Variants in NOP53 observed in about 807,000 individuals in gnomAD.
NOP53 encodes ribosome biogenesis protein NOP53.
NOP53 carries 40 observed loss-of-function variants against 61.0 expected under a neutral mutation model. That is an observed-to-expected ratio of 0.66 (90% CI 0.51 to 0.85). The LOEUF (loss-of-function observed/expected upper bound fraction) is 0.85. NOP53 is among the 40% of genes least tolerant of loss of function. The pLI is 0.00. For missense variants in NOP53, 689 were observed against 652.9 expected, an observed-to-expected ratio of 1.06 and a Z score of -0.60; for synonymous variants, 308 against 289.5, an observed-to-expected ratio of 1.06 and a Z score of -0.65.
At chr19:47,755,124 G>A (rs1048287123) in intron 8 of NOP53, among the ~76,000 whole-genome samples, 6 of 152,106 alleles carry the variant, frequency 3.9e-5, no homozygotes, top group African/African-American at 1.2e-4. Context: ...TTGAGGGGCG[G>A]GGTGGGGGGA....
At chr19:47,755,659 A>G in intron 9 of NOP53, 97 bp from the exon 10 acceptor site, 2 of 1,343,920 alleles carry the variant, frequency 1.5e-6, no homozygotes, top group Non-Finnish European at 2.1e-6. Context: ...AAAACCCCAC[A>G]TTCTCAGAGG....
chr19:47,750,325 A>G (rs1272164038), intron 3 of NOP53, 39 bp downstream of exon 3: 1 of 1,212,806 alleles, frequency 8.2e-7, no homozygotes, highest in Admixed American at 1.7e-5. Context: ...CTTTCCCACC[A>G]GACTCTGGTC....
rs1260695567 is a variant in NOP53, at chr19:47,756,513, C to G, written c.1297-15C>G. 5 of 1,611,614 alleles carry G rather than the reference C, an allele frequency of 3.1e-6. 1 individual carries two copies. The South Asian group carries it at 5.5e-5, about 18-fold the overall frequency. ...TCTGCCAGGCCCTGCTGAGGCCTCCCTCTCTGTCCTGTAGCCCGAGGGCAA... is the reference window on the plus strand; with the variant it reads ...TCTGCCAGGCCCTGCTGAGGCCTCCGTCTCTGTCCTGTAGCCCGAGGGCAA... On this transcript the variant is annotated splice_polypyrimidine_tract_variant and intron_variant, in intron 10 of 12. Coordinates refer to ENST00000246802, the MANE Select transcript of NOP53 (RefSeq NM_015710.5).
Position 47,752,557 on chromosome 19 carries a change from G to T in NOP53, c.715G>T (p.Glu239Ter), listed in dbSNP as rs1180322145. The change falls in exon 6 of 13, where the codon GAG (glutamate) becomes TAG (stop). Residue 239 changes from glutamate (E) to a stop codon, truncating the protein, a stop_gained. Transcript: ENST00000246802. LOFTEE classifies it high-confidence loss of function. ...HTKPSQAPAVEVAPAGASYNP... is the reference protein window; with the variant it reads ...HTKPSQAPAV ...CAAGCCGTCCCAGGCACCCGCCGTG[G>T]AGGTGGCGCCTGCCGGAGCTTCCTA... is the stretch of plus-strand genomic sequence containing the variant. 1 of 1,611,348 alleles carries T rather than the reference G, an allele frequency of 6.2e-7. No individual in the cohort carries two copies. The highest frequency in any genetic ancestry group is 2.2e-5 in the East Asian group (1 of 44,868).
chr19:47,752,691 A>G (rs1967139734), intron 6 of NOP53, 84 bp downstream of exon 6: 2 of 863,156 alleles, frequency 2.3e-6, no homozygotes, highest in African/African-American at 1.6e-5. Flanking sequence ...TGTGCTGGGA[A>G]CTCCAATGAC....
intron 10 of NOP53, 160 bp downstream of exon 10, chr19:47,755,982 C>T (rs984960260): frequency 1.6e-6 from 1 of 613,718 alleles, no homozygotes; most frequent in African/African-American, 1.9e-5. Context: ...GGGATGAGAT[C>T]CCAGGGTGAG....
At position 47,754,655 on chromosome 19, in the gene NOP53, C is replaced by T. The variant is rs747117784; in HGVS notation, c.870+24C>T. ...AGGTGAGCCCCGCACCTGCCCACTC[C>T]CTCCCCTCCCCGGGCCTCCTACCCA... On this transcript the variant is annotated intron_variant, in intron 7 of 12. Transcript: ENST00000246802. The surrounding 1 kb of genome is among the most constrained non-coding windows in gnomAD (Gnocchi z 4.2). 5.2e-6 allele frequency: 8 copies of T among 1,543,586 alleles called. No individual in the cohort carries two copies. In the East Asian group the frequency reaches 2.0e-4, roughly 38 times the overall value.
chr19:47,752,666 C>A, intron 6 of NOP53, 59 bp downstream of exon 6: 1 of 1,023,296 alleles, frequency 9.8e-7, no homozygotes, highest in Non-Finnish European at 1.6e-6. Context: ...GTCAGGCCTT[C>A]ACTAGCTTCC....
chr19:47,750,750 G>C (rs1967114090), intron 3 of NOP53, among the ~76,000 whole-genome samples, 158 bp from the exon 4 acceptor site: 1 of 152,104 alleles, frequency 6.6e-6, no homozygotes, highest in Non-Finnish European at 1.5e-5. Flanking sequence ...GACAGACGTG[G>C]GGAGAGGAGT....
chr19:47,751,892 G>A (rs943363218), intron 5 of NOP53, among the ~76,000 whole-genome samples: 1 of 152,058 alleles, frequency 6.6e-6, no homozygotes, highest in African/African-American at 2.4e-5. Flanking sequence ...ACCTGAGGTC[G>A]GGAGTTTGAG....
At chr19:47,753,644 A>G (rs950064879) in intron 6 of NOP53, 2 of 152,230 alleles carry the variant, frequency 1.3e-5, no homozygotes, top group African/African-American at 4.8e-5. Flanking sequence ...CAGTGTGCTC[A>G]TGGTTGAAAG....
chr19:47,756,132 C>T (rs1479359385), intron 10 of NOP53: 1 of 514,602 alleles, frequency 1.9e-6, no homozygotes, highest in Non-Finnish European at 3.5e-6. Context: ...CTGCTCGGAA[C>T]CTGCTGTGGC....
In NOP53 at chr19:47,754,259, A is replaced by G. The variant is rs527299232; in HGVS notation, c.766-268A>G. The G allele has an allele frequency of 6.2e-5, 28 of 451,916 alleles. No individual in the cohort carries two copies. In the Middle Eastern group the frequency reaches 1.8e-3, roughly 28 times the overall value. The allele number at this position is 451,916 out of a possible 1,614,324, so 28.0% of individuals were successfully genotyped here. Reference sequence around the variant, plus strand: ...ACCATTGCACTCCAGTCTGGGCAACAAGACAGAAACTCTATCTCAAAAAAA... The same window carrying G: ...ACCATTGCACTCCAGTCTGGGCAACGAGACAGAAACTCTATCTCAAAAAAA... On this transcript the variant is annotated intron_variant, in intron 6 of 12. Transcript: ENST00000246802. This position sits in a 1 kb window ranked among gnomAD's most constrained non-coding sequence, Gnocchi z 4.2.
At chr19:47,755,957 A>T (rs1967192351) in intron 10 of NOP53, 135 bp downstream of exon 10, 1 of 666,370 alleles carries the variant, frequency 1.5e-6, no homozygotes, top group South Asian at 1.8e-5. Flanking sequence ...CCAGGGGCTG[A>T]GGGCACGGGA....
rs768199871 is a variant in NOP53, at chr19:47,756,757, G to A, written c.1430+13G>A. 8.2e-5 allele frequency: 132 copies of A among 1,612,864 alleles called. No individual in the cohort carries two copies. The Admixed American group carries it at 1.3e-3, about 15-fold the overall frequency. On this transcript the variant is annotated intron_variant, in intron 12 of 12. Coordinates refer to ENST00000246802, the MANE Select transcript of NOP53 (RefSeq NM_015710.5). ...TCCGTGAGATCCAGTGAGTCCACCC[G>A]GCTTCGGCGCAAGGAAGGGAGCCCT...
chr19:47,753,469 G>T (rs1403929132), intron 6 of NOP53: 4 of 152,340 alleles, frequency 2.6e-5, no homozygotes, highest in Admixed American at 1.3e-4. Flanking sequence ...TCAAGGAACA[G>T]CCCTTCTCAT....
chr19:47,747,468 C>T (rs1048182370), intron 2 of NOP53, among the ~76,000 whole-genome samples: 6 of 152,174 alleles, frequency 3.9e-5, no homozygotes, highest in Non-Finnish European at 2.9e-5. Context: ...ATGGTGAAAC[C>T]CCGTCTCTGC....
chr19:47,752,948 A>G (rs1967142683), intron 6 of NOP53: 1 of 234,594 alleles, frequency 4.3e-6, no homozygotes, highest in Non-Finnish European at 8.5e-6. Flanking sequence ...GCAAAGGCAC[A>G]GAGTTGAGAG....
At chr19:47,751,440 T>A in intron 4 of NOP53, 80 bp from the exon 5 acceptor site, 1 of 1,091,160 alleles carries the variant, frequency 9.2e-7, no homozygotes, top group Non-Finnish European at 1.4e-6. Flanking sequence ...CTTTTTGAAA[T>A]GTGGAGGGAT....
Sources: allele counts gnomAD v4.1 joint callset (sites outside exome capture counted in the v4.1 genomes callset), GRCh38; gene constraint gnomAD v4.1.1; non-coding constraint Gnocchi (gnomAD v3.1); transcripts MANE v1.5; gene names NCBI Gene and HGNC (gene_info 2026-07-23, HGNC 2026-07-21).